Variants in GRIP2 observed in about 807,000 individuals in gnomAD.
The protein encoded by GRIP2 is glutamate receptor-interacting protein 2.
GRIP2 carries 58 observed loss-of-function variants against 108.3 expected under a neutral mutation model. The observed-to-expected ratio is 0.54, with a 90% CI of 0.43 to 0.67. GRIP2 has a LOEUF of 0.67. Among genes scored for constraint, GRIP2 ranks in the 30% least tolerant of loss-of-function variants. The pLI is 0.00. For missense variants in GRIP2, 1,278 were observed against 1,430.6 expected, an observed-to-expected ratio of 0.89 and a Z score of 1.72; for synonymous variants, 586 against 598.2, an observed-to-expected ratio of 0.98 and a Z score of 0.30.
At position 14,489,268 on chromosome 3, in the gene GRIP2, T is replaced by G. The variant is rs1257203834; in HGVS notation, c.*4397A>C. On this transcript the variant is annotated 3_prime_UTR_variant, in exon 24 of 24. Transcript: ENST00000621039. Reference sequence around the variant, plus strand: ...TTTAGATAAATATGTATATCAATATTTTAAATTCATCTTTGCTTTTTTTAG... The same window carrying G: ...TTTAGATAAATATGTATATCAATATGTTAAATTCATCTTTGCTTTTTTTAG... The G allele has an allele frequency of 3.3e-5, 5 of 152,648 alleles. No individual in the cohort carries two copies. The East Asian group carries it at 9.6e-4, about 29-fold the overall frequency. 9.5% of individuals were successfully genotyped at this position (152,648 alleles called of 1,614,324 possible). A position where few individuals can be genotyped will look rare whatever the true frequency, so the allele number is the denominator to read the frequency against.
At chr3:14,494,678 G>A (rs778935580) in intron 23 of GRIP2, among the ~76,000 whole-genome samples, 165 bp downstream of exon 23, 1 of 152,218 alleles carries the variant, frequency 6.6e-6, no homozygotes, top group Non-Finnish European at 1.5e-5. Context: ...TGTGTGCTCA[G>A]CCTCTGAGGC....
At chr3:14,550,448 C>T (rs898575636) in intron 1 of GRIP2, among the ~76,000 whole-genome samples, 1 of 152,348 alleles carries the variant, frequency 6.6e-6, no homozygotes, top group Non-Finnish European at 1.5e-5. Context: ...CCCATCTACC[C>T]CTAGAAGAAG....
chr3:14,536,742 T>G (rs1452563080), intron 1 of GRIP2, among the ~76,000 whole-genome samples: 6 of 152,172 alleles, frequency 3.9e-5, no homozygotes, highest in Non-Finnish European at 7.3e-5. Context: ...AAACCAGCAA[T>G]GTCAAGGAAC....
At chr3:14,560,875 G>C (rs985509059), upstream of GRIP2, among the ~76,000 whole-genome samples, 2 of 152,324 alleles carry the variant, frequency 1.3e-5, no homozygotes, top group Admixed American at 1.3e-4. Flanking sequence ...CACAGCAGGG[G>C]CGCAGCAAGG....
intron 3 of GRIP2, 78 bp from the exon 4 acceptor site, chr3:14,524,616 T>C: frequency 6.9e-7 from 1 of 1,445,306 alleles, no homozygotes; most frequent in Non-Finnish European, 9.4e-7. Flanking sequence ...CACCCTCCTC[T>C]GGAATCCCTA....
chr3:14,547,284 CAT>C (rs1480239487), intron 1 of GRIP2, among the ~76,000 whole-genome samples: 4 of 152,202 alleles, frequency 2.6e-5, no homozygotes, highest in Non-Finnish European at 5.9e-5. Context: ...AAAGCAGACA[CAT>C]AAAGCACTAT....
At chr3:14,552,500 G>A (rs115427540) in intron 1 of GRIP2, among the ~76,000 whole-genome samples, 1,999 of 152,250 alleles carry the variant, frequency 0.013, 43 homozygotes, top group African/African-American at 0.045. Context: ...CTTGACGTCT[G>A]TCGATTCTGC....
chr3:14,583,531 C>CGGGAGGCTGGGAGGCT, the GRIP2 span, among the ~76,000 whole-genome samples: 1 of 152,104 alleles, frequency 6.6e-6, no homozygotes, highest in South Asian at 2.1e-4. Context: ...GCTGGCAGGC[C>CGGGAGGCTGGGAGGCT]GGGAGGCTGG....
chr3:14,546,352 C>T (rs12629796), upstream of GRIP2, among the ~76,000 whole-genome samples: 2 of 151,854 alleles, frequency 1.3e-5, no homozygotes, highest in Non-Finnish European at 2.9e-5. Context: ...CAGGGTCGTG[C>T]TGTGACCTAA....
At chr3:14,549,370 A>C (rs1303730844) in intron 1 of GRIP2, among the ~76,000 whole-genome samples, 2 of 152,306 alleles carry the variant, frequency 1.3e-5, no homozygotes, top group East Asian at 3.9e-4. Context: ...TCCCAGCTGC[A>C]GCCTGCCTCC....
At chr3:14,588,417 T>C in the GRIP2 span, among the ~76,000 whole-genome samples, 1 of 152,128 alleles carries the variant, frequency 6.6e-6, no homozygotes, top group Admixed American at 6.5e-5. Context: ...AGAGCCAAAC[T>C]GAGTGGTCTC....
Position 14,512,722 on chromosome 3 carries a change from T to C in GRIP2, c.1720+55A>G. 2.0e-6 allele frequency: 3 copies of C among 1,534,632 alleles called. No individual in the cohort carries two copies. The highest frequency in any genetic ancestry group is 2.7e-6 in the Non-Finnish European group (3 of 1,112,652). On this transcript the variant is annotated intron_variant, in intron 14 of 23. Coordinates refer to ENST00000621039, the MANE Select transcript of GRIP2 (RefSeq NM_001080423.4). This position sits in a 1 kb window ranked among gnomAD's most constrained non-coding sequence, Gnocchi z 5.1. Reference sequence around the variant, plus strand: ...CTGGTCTGAGCTTGGCAAGCTCTTTTTCCCCAGCAGTTGAGCTCGCTCCCA... The same window carrying C: ...CTGGTCTGAGCTTGGCAAGCTCTTTCTCCCCAGCAGTTGAGCTCGCTCCCA...
At chr3:14,513,444 T>TC (rs1425518939) in intron 13 of GRIP2, among the ~76,000 whole-genome samples, 7 of 152,098 alleles carry the variant, frequency 4.6e-5, no homozygotes, top group African/African-American at 1.7e-4. Flanking sequence ...CCCAACCCCA[T>TC]CCCCACTTGG....
chr3:14,572,529 G>A, the GRIP2 span, among the ~76,000 whole-genome samples: 2 of 135,660 alleles, frequency 1.5e-5, no homozygotes, highest in African/African-American at 2.8e-5. Flanking sequence ...GGAGAATGGC[G>A]TGAACCCGGG....
chr3:14,573,265 C>A, the GRIP2 span: 6 of 1,402,040 alleles, frequency 4.3e-6, no homozygotes, highest in South Asian at 1.2e-5. Context: ...CCAGCTGGAA[C>A]CACCTCTGCT....
chr3:14,530,761 T>C (rs1694689572), intron 1 of GRIP2, among the ~76,000 whole-genome samples: 1 of 152,214 alleles, frequency 6.6e-6, no homozygotes, highest in Non-Finnish European at 1.5e-5. Context: ...TATATATCTA[T>C]GGGGTAGATG....
chr3:14,514,516 C>T (rs768434920), intron 11 of GRIP2, 38 bp from the exon 12 acceptor site: 4 of 1,494,682 alleles, frequency 2.7e-6, no homozygotes, highest in Non-Finnish European at 3.6e-6. Context: ...GGTGAGCCGC[C>T]CCACGGAGGT....
rs760171786 is a variant in GRIP2 at position 14,523,644 on chromosome 3, T to C, written c.458A>G (p.Lys153Arg). The C allele has an allele frequency of 6.2e-7, 1 of 1,612,414 alleles. No individual in the cohort carries two copies. Among genetic ancestry groups the C allele is most frequent in the Non-Finnish European group, 8.5e-7 (1 of 1,179,260 alleles). The change falls in exon 5 of 24, where the codon AAG (lysine) becomes AGG (arginine). Residue 153 changes from lysine to arginine, a missense_variant. Physicochemically the swap from Lys to Arg is conservative, Grantham distance 26 (BLOSUM62 2). Transcript: ENST00000621039. ...ISKTVDVSLY[K>R]EGNSFGFVLR... ...GACAAAGCCAAAGCTATTGCCCTCCTTGTAGAGGGAGACGTCCACTGTCTT... is the reference window on the plus strand; with the variant it reads ...GACAAAGCCAAAGCTATTGCCCTCCCTGTAGAGGGAGACGTCCACTGTCTT...
At chr3:14,597,725 T>C in the GRIP2 span, among the ~76,000 whole-genome samples, 3 of 152,046 alleles carry the variant, frequency 2.0e-5, no homozygotes, top group Admixed American at 2.0e-4. Context: ...GCAAAAGAGA[T>C]GATTTTAAAG....
Sources: gnomAD v4.1 joint callset for allele counts (sites outside exome capture counted in the v4.1 genomes callset) on GRCh38, gnomAD v4.1.1 for gene constraint, Gnocchi (gnomAD v3.1) non-coding constraint, MANE v1.5 for transcripts, NCBI Gene and HGNC (gene_info 2026-07-23, HGNC 2026-07-21) for gene names.